BRINP3: variants seen among roughly 807,000 people sequenced by gnomAD.
The protein encoded by BRINP3 is BMP/retinoic acid-inducible neural-specific protein 3.
A neutral mutation model predicts 71.0 loss-of-function variants in BRINP3; 19 were observed. That is an observed-to-expected ratio of 0.27 (90% CI 0.19 to 0.39). The LOEUF is 0.39. Ranked by LOEUF, BRINP3 falls within the 10% of genes least tolerant of loss-of-function variation. BRINP3 has a pLI of 1.00. For synonymous variants in BRINP3, 380 were observed against 337.7 expected, an observed-to-expected ratio of 1.13 and a Z score of -1.37; for missense variants, 959 against 940.8, an observed-to-expected ratio of 1.02 and a Z score of -0.25.
rs201548217 is a variant in BRINP3, at chr1:190,401,649, C to T, written c.236+53006G>A. Among the ~76,000 whole-genome samples the T allele has an allele frequency of 8.6e-3, 1,309 of 152,056 alleles. 15 individuals are homozygous for T. The highest frequency in any genetic ancestry group is 0.029 in the African/African-American group (1,197 of 41,454). On this transcript the variant is annotated intron_variant, in intron 2 of 7. Transcript: ENST00000367462. ...ATGAACAAGATCTCCAGGACTTTCT[C>T]AAGTCCATCAAAGTGTGAGAAGCAT...
intron 2 of BRINP3, among the ~76,000 whole-genome samples, chr1:190,310,943 T>C (rs1665473723): frequency 6.6e-6 from 1 of 151,808 alleles, no homozygotes; most frequent in Non-Finnish European, 1.5e-5. Context: ...AGTGAATACC[T>C]GCTAGTGCAT....
Position 190,326,823 on chromosome 1 carries a change from G to T in BRINP3, c.237-45073C>A, listed in dbSNP as rs540183933. Among the ~76,000 whole-genome samples the T allele has an allele frequency of 9.9e-5, 15 of 152,024 alleles. No individual in the cohort carries two copies. In the East Asian group the frequency reaches 2.7e-3, roughly 28 times the overall value. On this transcript the variant is annotated intron_variant, in intron 2 of 7. Transcript: ENST00000367462. ...AGGAGTACCAAACATGTAAACAAAA[G>T]AATGATAGCCACTACTGCAAAAACA...
At chr1:190,235,468 C>A (rs1045134336) in intron 4 of BRINP3, among the ~76,000 whole-genome samples, 3 of 152,136 alleles carry the variant, frequency 2.0e-5, no homozygotes, top group African/African-American at 7.2e-5. Flanking sequence ...TAGATAACTT[C>A]ATTCCAATGT....
At chr1:190,157,707 G>T (rs1656990331) in intron 7 of BRINP3, among the ~76,000 whole-genome samples, 1 of 151,972 alleles carries the variant, frequency 6.6e-6, no homozygotes, top group Non-Finnish European at 1.5e-5. Flanking sequence ...AATGTTCCCT[G>T]GGAGTACACA....
At chr1:190,441,169 A>G (rs930335326) in intron 2 of BRINP3, among the ~76,000 whole-genome samples, 10 of 151,970 alleles carry the variant, frequency 6.6e-5, no homozygotes, top group African/African-American at 2.4e-4. Context: ...AAATTAATAC[A>G]GATCCACAGT....
At chr1:190,311,083 C>T (rs1665484746) in intron 2 of BRINP3, among the ~76,000 whole-genome samples, 1 of 151,634 alleles carries the variant, frequency 6.6e-6, no homozygotes, top group African/African-American at 2.4e-5. Flanking sequence ...TTATGTTGTA[C>T]TTTCTTTCTG....
At chr1:190,174,843 T>C (rs1411486220) in intron 6 of BRINP3, among the ~76,000 whole-genome samples, 3 of 152,142 alleles carry the variant, frequency 2.0e-5, no homozygotes, top group Non-Finnish European at 4.4e-5. Context: ...TGGAATTTCA[T>C]GAGGCAGAGA....
chr1:190,169,734 T>C (rs1651850975), intron 6 of BRINP3, among the ~76,000 whole-genome samples: 1 of 152,166 alleles, frequency 6.6e-6, no homozygotes, highest in Admixed American at 6.6e-5. Flanking sequence ...TCAGGAATTC[T>C]GTGTTGATGA....
intron 2 of BRINP3, among the ~76,000 whole-genome samples, chr1:190,392,541 T>C (rs1671317652): frequency 6.6e-6 from 1 of 151,618 alleles, no homozygotes; most frequent in Admixed American, 6.6e-5. Context: ...TTCGATAGGG[T>C]GGAACATGTT....
chr1:190,431,854 G>A (rs1171040), intron 2 of BRINP3, among the ~76,000 whole-genome samples: 115,041 of 151,930 alleles, frequency 0.76, 43,738 homozygotes, highest in Non-Finnish European at 0.79. Context: ...ATCAATATTA[G>A]TCTGCAATAT....
At chr1:190,395,142 C>T (rs534964639) in intron 2 of BRINP3, among the ~76,000 whole-genome samples, 1 of 151,794 alleles carries the variant, frequency 6.6e-6, no homozygotes, top group East Asian at 1.9e-4. Context: ...TTATTGTTTA[C>T]TCAGGCTGCC....
chr1:190,240,481 C>T (rs1192913104), intron 4 of BRINP3, among the ~76,000 whole-genome samples: 1 of 151,916 alleles, frequency 6.6e-6, no homozygotes, highest in African/African-American at 2.4e-5. Context: ...CAGTTTGTTT[C>T]AAACAGTTGT....
intron 7 of BRINP3, among the ~76,000 whole-genome samples, chr1:190,141,528 TTCTTTCTCTCTC>T (rs1006378612): frequency 6.6e-6 from 1 of 150,878 alleles, no homozygotes; most frequent in African/African-American, 2.4e-5. Context: ...CTCTTTTTCT[TTCTTTCTCTCTC>T]TCTTTCTTTC....
chr1:190,166,971 C>T (rs535953528), intron 6 of BRINP3, among the ~76,000 whole-genome samples: 6 of 152,072 alleles, frequency 3.9e-5, no homozygotes, highest in African/African-American at 7.2e-5. Context: ...GTGATCTGCC[C>T]GCCTCAGCCT....
chr1:190,428,625 G>C (rs1030740729), intron 2 of BRINP3, among the ~76,000 whole-genome samples: 2 of 151,860 alleles, frequency 1.3e-5, no homozygotes, highest in African/African-American at 4.8e-5. Flanking sequence ...CTATTTCCCA[G>C]TTATTCATTC....
At chr1:190,440,633 T>G (rs1674752996) in intron 2 of BRINP3, among the ~76,000 whole-genome samples, 1 of 151,978 alleles carries the variant, frequency 6.6e-6, no homozygotes, top group Non-Finnish European at 1.5e-5. Context: ...ATTTTATACA[T>G]TTGTACAAAG....
chr1:190,469,655 A>G (rs1486453984), intron 1 of BRINP3, among the ~76,000 whole-genome samples: 4 of 151,042 alleles, frequency 2.6e-5, no homozygotes, highest in African/African-American at 9.7e-5. Context: ...TACTAAAGTC[A>G]TGAAAACCAC....
At chr1:190,211,085 C>T (rs759330780) in intron 6 of BRINP3, among the ~76,000 whole-genome samples, 2 of 151,992 alleles carry the variant, frequency 1.3e-5, no homozygotes, top group Non-Finnish European at 2.9e-5. Flanking sequence ...TTTTTGGACT[C>T]GGACTGACCC....
At chr1:190,406,757 AT>A (rs1196547245) in intron 2 of BRINP3, among the ~76,000 whole-genome samples, 1 of 152,186 alleles carries the variant, frequency 6.6e-6, no homozygotes, top group Non-Finnish European at 1.5e-5. Flanking sequence ...AGCCCAAATA[AT>A]TGACCTAACA....
Sources: allele counts gnomAD v4.1 joint callset (sites outside exome capture counted in the v4.1 genomes callset), GRCh38; gene constraint gnomAD v4.1.1; transcripts MANE v1.5; gene names NCBI Gene and HGNC (gene_info 2026-07-23, HGNC 2026-07-21).